SDK2: variants seen among roughly 807,000 people sequenced by gnomAD.
The protein encoded by SDK2 is protein sidekick-2.
Under a neutral mutation model 253.9 loss-of-function variants are expected in SDK2, and 105 were observed. The observed-to-expected ratio is 0.41, with a 90% CI of 0.35 to 0.49. The LOEUF (loss-of-function observed/expected upper bound fraction) is 0.49, where lower values mean the gene tolerates loss of function less well. SDK2 is among the 20% of genes least tolerant of loss of function. SDK2 has a pLI of 0.06. For missense variants in SDK2, 2,608 were observed against 3,003.0 expected, an observed-to-expected ratio of 0.87 and a Z score of 3.07; for synonymous variants, 1,249 against 1,234.9, an observed-to-expected ratio of 1.01 and a Z score of -0.24.
chr17:73,633,200 G>A (rs935127545), intron 1 of SDK2, among the ~76,000 whole-genome samples: 17 of 152,142 alleles, frequency 1.1e-4, no homozygotes, highest in South Asian at 6.2e-4. Flanking sequence ...TGGGAGGATC[G>A]CTTGAACCTA....
intron 38 of SDK2, among the ~76,000 whole-genome samples, 174 bp from the exon 39 acceptor site, chr17:73,362,019 T>A (rs2062645867): frequency 1.3e-5 from 2 of 152,132 alleles, no homozygotes; most frequent in South Asian, 4.1e-4. Flanking sequence ...GCCCATGCTG[T>A]GTTTCTCACA....
At chr17:73,434,768 G>A (rs969186262) in intron 9 of SDK2, among the ~76,000 whole-genome samples, 1 of 152,178 alleles carries the variant, frequency 6.6e-6, no homozygotes, top group African/African-American at 2.4e-5. Flanking sequence ...GTACCTGGGA[G>A]TACAGGTGTG....
intron 39 of SDK2, among the ~76,000 whole-genome samples, chr17:73,358,962 C>T (rs1375359204): frequency 6.6e-6 from 1 of 151,960 alleles, no homozygotes; most frequent in Non-Finnish European, 1.5e-5. Flanking sequence ...GGAGGTGACT[C>T]CAGCAATGAG....
At chr17:73,420,771 G>A (rs936593396) in intron 15 of SDK2, among the ~76,000 whole-genome samples, 6 of 152,112 alleles carry the variant, frequency 3.9e-5, no homozygotes, top group Non-Finnish European at 7.4e-5. Context: ...CGTCTCCCGG[G>A]TTCAAGCAAT....
At chr17:73,463,847 T>G (rs747595473) in intron 3 of SDK2, among the ~76,000 whole-genome samples, 2 of 152,180 alleles carry the variant, frequency 1.3e-5, no homozygotes, top group Non-Finnish European at 2.9e-5. Context: ...GCCTCACACA[T>G]GGCTAAGAGA....
chr17:73,536,945 G>A (rs2044784328), intron 1 of SDK2, among the ~76,000 whole-genome samples: 1 of 152,192 alleles, frequency 6.6e-6, no homozygotes, highest in African/African-American at 2.4e-5. Context: ...TAATGGGTCA[G>A]GGAGGCCTTC....
chr17:73,550,238 T>A (rs1032786036), intron 1 of SDK2, among the ~76,000 whole-genome samples: 4 of 152,126 alleles, frequency 2.6e-5, no homozygotes, highest in Non-Finnish European at 5.9e-5. Flanking sequence ...GGTGGCAGAC[T>A]GCCAAGGTAG....
intron 2 of SDK2, among the ~76,000 whole-genome samples, chr17:73,495,455 C>G (rs937521314): frequency 6.6e-6 from 1 of 152,230 alleles, no homozygotes; most frequent in African/African-American, 2.4e-5. Flanking sequence ...AAAGAACTTT[C>G]CATCCTCCAA....
rs2044875748 is a variant in SDK2 at position 73,541,972 on chromosome 17, T to C, written c.65-34375A>G. Among the ~76,000 whole-genome samples the C allele has an allele frequency of 6.6e-6, 1 of 152,194 alleles. No individual in the cohort carries two copies. Among genetic ancestry groups the C allele is most frequent in the Non-Finnish European group, 1.5e-5 (1 of 68,046 alleles). ...CTGCCTCTTCTGCTGATAAACAGTGTCAATGGCATCTCTTTTACAGGAGTG... is the reference window on the plus strand; with the variant it reads ...CTGCCTCTTCTGCTGATAAACAGTGCCAATGGCATCTCTTTTACAGGAGTG... On this transcript the variant is annotated intron_variant, in intron 1 of 44. Transcript: ENST00000392650. The surrounding 1 kb of genome is among the most constrained non-coding windows in gnomAD (Gnocchi z 4.3).
intron 1 of SDK2, among the ~76,000 whole-genome samples, chr17:73,529,845 A>G (rs1043430244): frequency 3.3e-5 from 5 of 152,210 alleles, no homozygotes; most frequent in African/African-American, 1.2e-4. Flanking sequence ...TCTGTGCCCC[A>G]AAACTCTGAG....
chr17:73,471,460 G>A (rs1437116748), intron 3 of SDK2, among the ~76,000 whole-genome samples: 2 of 152,152 alleles, frequency 1.3e-5, no homozygotes, highest in African/African-American at 2.4e-5. Flanking sequence ...TTAGCTGGGT[G>A]TGGTGGCACA....
chr17:73,554,183 C>T lies in SDK2; in HGVS notation c.65-46586G>A, dbSNP rs116800804. Among the ~76,000 whole-genome samples, 1,512 of 152,308 alleles carry T rather than the reference C, an allele frequency of 9.9e-3. 32 individuals carry two copies. Among genetic ancestry groups the T allele is most frequent in the African/African-American group, 0.035 (1,438 of 41,574 alleles). On this transcript the variant is annotated intron_variant, in intron 1 of 44. Transcript: ENST00000392650. ...AGGACAGGGGGCAAGTCATCCTCCCCTTTGGAAGCCCAGTGCTTTGCGCAA... is the reference window on the plus strand; with the variant it reads ...AGGACAGGGGGCAAGTCATCCTCCCTTTTGGAAGCCCAGTGCTTTGCGCAA...
intron 40 of SDK2, among the ~76,000 whole-genome samples, chr17:73,354,745 C>G (rs1331438368): frequency 3.4e-5 from 3 of 88,036 alleles, no homozygotes; most frequent in Non-Finnish European, 7.0e-5. Flanking sequence ...TAGCCTGCCC[C>G]AACCAAGCAC....
At chr17:73,427,642 C>CAAAAAAAAAAAAAA (rs9302965) in intron 12 of SDK2, among the ~76,000 whole-genome samples, 2 of 105,822 alleles carry the variant, frequency 1.9e-5, no homozygotes, top group Non-Finnish European at 1.9e-5. Context: ...CATCCACATG[C>CAAAAAAAAAAAAAA]AAAAAAAAAA....
chr17:73,592,431 G>C (rs1423698559), intron 1 of SDK2, among the ~76,000 whole-genome samples: 4 of 152,252 alleles, frequency 2.6e-5, no homozygotes, highest in Admixed American at 6.5e-5. Context: ...GAGGGAGTGT[G>C]GGAGGGAAAG....
rs565449699 is a variant in SDK2 at position 73,348,509 on chromosome 17, A to C, written c.6165+90T>G. 3.0e-4 allele frequency: 435 copies of C among 1,458,092 alleles called. 2 individuals carry two copies. In the South Asian group the frequency reaches 4.9e-3, roughly 17 times the overall value. 90.3% of individuals were successfully genotyped at this position (1,458,092 alleles called of 1,614,324 possible). Reference sequence around the variant, plus strand: ...CTTAATATTTGCTGCCCCTTGAAGGAAAGGAAGAAAGCCCATCTACGTTCA... The same window carrying C: ...CTTAATATTTGCTGCCCCTTGAAGGCAAGGAAGAAAGCCCATCTACGTTCA... On this transcript the variant is annotated intron_variant, in intron 44 of 44. Transcript: ENST00000392650.
intron 1 of SDK2, among the ~76,000 whole-genome samples, chr17:73,564,823 T>TG (rs1371562248): frequency 7.1e-6 from 1 of 140,564 alleles, no homozygotes; most frequent in African/African-American, 2.8e-5. Flanking sequence ...AGACTCTGTC[T>TG]GAAAAAAAAA....
At chr17:73,515,390 T>C (rs1403600713) in intron 1 of SDK2, among the ~76,000 whole-genome samples, 1 of 152,222 alleles carries the variant, frequency 6.6e-6, no homozygotes, top group Non-Finnish European at 1.5e-5. Flanking sequence ...GCAGCATTCA[T>C]ACTCCAGCCT....
chr17:73,430,387 A>G (rs1417807061), intron 12 of SDK2, 124 bp downstream of exon 12: 3 of 706,716 alleles, frequency 4.2e-6, no homozygotes, highest in Non-Finnish European at 7.3e-6. Context: ...TGGAAATGCC[A>G]CTGCCCAGGA....
Sources: gnomAD v4.1 joint callset for allele counts (sites outside exome capture counted in the v4.1 genomes callset) on GRCh38, gnomAD v4.1.1 for gene constraint, Gnocchi (gnomAD v3.1) non-coding constraint, MANE v1.5 for transcripts, NCBI Gene and HGNC (gene_info 2026-07-23, HGNC 2026-07-21) for gene names.